The following LRRC4C variants were observed in gnomAD, a reference collection of about 807,000 sequenced individuals.
The protein encoded by LRRC4C is leucine-rich repeat-containing protein 4C.
In LRRC4C, 5 loss-of-function variants were observed where a neutral mutation model predicts 33.6. That is an observed-to-expected ratio of 0.15 (90% CI 0.08 to 0.31). The LOEUF (loss-of-function observed/expected upper bound fraction) is 0.31. Among genes scored for constraint, LRRC4C ranks in the 10% least tolerant of loss-of-function variants. LRRC4C has a pLI of 1.00. For missense variants in LRRC4C, 560 were observed against 796.7 expected, an observed-to-expected ratio of 0.70 and a Z score of 3.58; for synonymous variants, 329 against 302.0, an observed-to-expected ratio of 1.09 and a Z score of -0.93.
At chr11:41,414,737 A>C (rs1444715745) in intron 1 of LRRC4C, among the ~76,000 whole-genome samples, 1 of 152,084 alleles carries the variant, frequency 6.6e-6, no homozygotes, top group Non-Finnish European at 1.5e-5. Context: ...CAACTCGAGA[A>C]AGATAATAGG....
chr11:41,177,896 C>T (rs761779720), intron 1 of LRRC4C, among the ~76,000 whole-genome samples: 2 of 152,178 alleles, frequency 1.3e-5, no homozygotes, highest in Non-Finnish European at 2.9e-5. Context: ...AAGATAAACA[C>T]TTTAACAAAT....
In LRRC4C at chr11:40,551,065, T is replaced by C. The variant is rs116925829; in HGVS notation, c.-270+97077A>G. Among the ~76,000 whole-genome samples, 1,116 of 152,242 alleles carry C rather than the reference T, an allele frequency of 7.3e-3. 8 individuals are homozygous for C. The highest frequency in any genetic ancestry group is 0.011 in the Non-Finnish European group (738 of 67,998). ...TCCTAACACCTCTTCCCAGTCAGGT[T>C]TTCTTCCCCTTCAATCTATCTCAGC... On this transcript the variant is annotated intron_variant, in intron 3 of 6. Coordinates refer to ENST00000528697, the MANE Select transcript of LRRC4C (RefSeq NM_001258419.2).
At chr11:40,540,621 T>G (rs1458139408) in intron 3 of LRRC4C, among the ~76,000 whole-genome samples, 1 of 152,044 alleles carries the variant, frequency 6.6e-6, no homozygotes, top group African/African-American at 2.4e-5. Context: ...CCTTCTAAAT[T>G]CAGTTTGACA....
chr11:41,067,374 A>G (rs932674606), intron 1 of LRRC4C, among the ~76,000 whole-genome samples: 4 of 152,236 alleles, frequency 2.6e-5, no homozygotes, highest in Non-Finnish European at 5.9e-5. Flanking sequence ...TAACTATCCT[A>G]AATATATATG....
intron 1 of LRRC4C, among the ~76,000 whole-genome samples, chr11:41,068,215 A>G (rs1324910203): frequency 6.6e-6 from 1 of 152,150 alleles, no homozygotes; most frequent in East Asian, 1.9e-4. Flanking sequence ...CAACGTGGTG[A>G]AACCCTGTGT....
At chr11:40,429,584 C>CAAA (rs1950842334) in intron 3 of LRRC4C, among the ~76,000 whole-genome samples, 1 of 149,924 alleles carries the variant, frequency 6.7e-6, no homozygotes, top group African/African-American at 2.5e-5. Flanking sequence ...AAAAACAAAA[C>CAAA]AAAACATGTA....
intron 3 of LRRC4C, among the ~76,000 whole-genome samples, chr11:40,552,383 T>C (rs937471912): frequency 9.9e-5 from 15 of 152,162 alleles, no homozygotes; most frequent in Non-Finnish European, 1.5e-4. Context: ...CAAGTCCAAG[T>C]TGTCTCCTCA....
At chr11:41,191,083 G>C (rs952502326) in intron 1 of LRRC4C, among the ~76,000 whole-genome samples, 1 of 152,156 alleles carries the variant, frequency 6.6e-6, no homozygotes, top group Non-Finnish European at 1.5e-5. Context: ...TAAGGGCAAA[G>C]TGTTTTTATT....
chr11:41,078,027 T>G (rs1181338650), intron 1 of LRRC4C, among the ~76,000 whole-genome samples: 1 of 152,186 alleles, frequency 6.6e-6, no homozygotes, highest in East Asian at 1.9e-4. Context: ...ACGCCACCAG[T>G]CTCTTTGCTA....
At chr11:41,210,486 T>C (rs1293108095) in intron 1 of LRRC4C, among the ~76,000 whole-genome samples, 1 of 152,158 alleles carries the variant, frequency 6.6e-6, no homozygotes, top group Non-Finnish European at 1.5e-5. Context: ...CACACTGAAC[T>C]GTGAGTCCAT....
intron 1 of LRRC4C, among the ~76,000 whole-genome samples, chr11:41,422,595 C>T (rs75789282): frequency 0.022 from 3,418 of 152,054 alleles, 144 homozygotes; most frequent in African/African-American, 0.078. Flanking sequence ...CACTGAAACA[C>T]CAAACCCTAG....
At chr11:40,540,632 A>G (rs948122048) in intron 3 of LRRC4C, among the ~76,000 whole-genome samples, 7 of 152,148 alleles carry the variant, frequency 4.6e-5, no homozygotes, top group African/African-American at 1.7e-4. Flanking sequence ...CAGTTTGACA[A>G]TTTCAGTCCT....
In LRRC4C at chr11:40,160,225, T is replaced by C. The variant is rs569028359; in HGVS notation, c.-95-19372A>G. Among the ~76,000 whole-genome samples the C allele has an allele frequency of 2.2e-4, 34 of 152,092 alleles. 1 individual carries two copies. The highest frequency in any genetic ancestry group is 2.1e-3 in the Admixed American group (32 of 15,268). ...TTTTACTATGAGTCCCACTTTTAAG[T>C]GAAGTTGTGGGTGGTATTACATCCT... is the stretch of plus-strand genomic sequence containing the variant. On this transcript the variant is annotated intron_variant, in intron 5 of 6. Coordinates refer to ENST00000528697, the MANE Select transcript of LRRC4C (RefSeq NM_001258419.2).
intron 4 of LRRC4C, among the ~76,000 whole-genome samples, chr11:40,267,600 C>T (rs1393083639): frequency 6.6e-6 from 1 of 152,158 alleles, no homozygotes; most frequent in East Asian, 1.9e-4. Flanking sequence ...ATCTTCCCGC[C>T]TCGGCCTCCC....
At chr11:40,823,563 A>T (rs530151868) in intron 2 of LRRC4C, among the ~76,000 whole-genome samples, 1 of 151,948 alleles carries the variant, frequency 6.6e-6, no homozygotes, top group South Asian at 2.1e-4. Context: ...TTTGACAAAG[A>T]AGATATATGA....
chr11:40,669,749 A>T (rs1383813470), intron 2 of LRRC4C, among the ~76,000 whole-genome samples: 1 of 152,198 alleles, frequency 6.6e-6, no homozygotes, highest in Non-Finnish European at 1.5e-5. Flanking sequence ...TTTTAGGAAG[A>T]GATATCATCT....
intron 1 of LRRC4C, among the ~76,000 whole-genome samples, chr11:41,359,790 C>T (rs1384862405): frequency 6.6e-6 from 1 of 152,140 alleles, no homozygotes; most frequent in East Asian, 1.9e-4. Context: ...AATTCAAACT[C>T]AGGCTTTGCA....
At chr11:40,505,511 G>A (rs1190425931) in intron 3 of LRRC4C, among the ~76,000 whole-genome samples, 1 of 152,168 alleles carries the variant, frequency 6.6e-6, no homozygotes, top group Non-Finnish European at 1.5e-5. Context: ...TCTGTGCCCT[G>A]TAAACTTTGA....
At chr11:41,036,606 C>G (rs1857083815) in intron 1 of LRRC4C, among the ~76,000 whole-genome samples, 1 of 152,100 alleles carries the variant, frequency 6.6e-6, no homozygotes, top group Non-Finnish European at 1.5e-5. Flanking sequence ...TAACATCAGA[C>G]TGAGGTTCAA....
Sources: gnomAD v4.1 joint callset for allele counts (sites outside exome capture counted in the v4.1 genomes callset) on GRCh38, gnomAD v4.1.1 for gene constraint, MANE v1.5 for transcripts, NCBI Gene and HGNC (gene_info 2026-07-23, HGNC 2026-07-21) for gene names.